The following NTAQ1 variants were observed in gnomAD, a reference collection of about 807,000 sequenced individuals.
NTAQ1 encodes protein N-terminal glutamine amidohydrolase.
In NTAQ1, 21 loss-of-function variants were observed where a neutral mutation model predicts 28.2. That is an observed-to-expected ratio of 0.74 (90% confidence interval 0.53 to 1.07). The LOEUF is 1.07. Ranked by LOEUF, NTAQ1 falls within the 50% of genes least tolerant of loss-of-function variation. The pLI is 0.00. For synonymous variants in NTAQ1, 105 were observed against 90.0 expected (o/e 1.17, Z -0.94); for missense variants, 264 against 256.6 (o/e 1.03, Z -0.20).
chr8:123,424,072 G>GTTTTT lies in NTAQ1; in HGVS notation c.84-3838_84-3834dup, dbSNP rs35733686. 1.2e-3 allele frequency among the ~76,000 whole-genome samples: 99 copies of GTTTTT among 85,844 alleles called. 12 individuals are homozygous for GTTTTT. The highest frequency in any genetic ancestry group is 1.3e-3 in the Non-Finnish European group (61 of 48,216). The allele number at this position is 85,844 out of a possible 152,430, so 56.3% of individuals were successfully genotyped here. A position where few individuals can be genotyped will look rare whatever the true frequency, so the allele number is the denominator to read the frequency against. On this transcript the variant is annotated intron_variant, in intron 1 of 5. Transcript: ENST00000287387. ...TGATTTTGTGTTTTTATTTTTATGC[G>GTTTTT]TTTTTTTTTTTTTTTTTTGAGATGA...
intron 3 of NTAQ1, among the ~76,000 whole-genome samples, chr8:123,434,351 G>A (rs1426450213): frequency 2.0e-5 from 3 of 152,166 alleles, no homozygotes; most frequent in Admixed American, 2.0e-4. Flanking sequence ...ATGGGACTGG[G>A]CACAGTGGCT....
At chr8:123,439,597 C>T (rs1033171204) in intron 5 of NTAQ1, among the ~76,000 whole-genome samples, 2 of 151,986 alleles carry the variant, frequency 1.3e-5, no homozygotes, top group Non-Finnish European at 2.9e-5. Context: ...CTGCCCGCCT[C>T]GGCCTCCCAA....
chr8:123,428,712 T>A (rs1312489415), intron 2 of NTAQ1, among the ~76,000 whole-genome samples: 1 of 152,028 alleles, frequency 6.6e-6, no homozygotes, highest in African/African-American at 2.4e-5. Flanking sequence ...GTGATTTTTG[T>A]GTCTCAGGCT....
At chr8:123,466,351 A>G (rs1325990764) in intron 6 of NTAQ1, among the ~76,000 whole-genome samples, 3 of 152,232 alleles carry the variant, frequency 2.0e-5, no homozygotes, top group Non-Finnish European at 4.4e-5. Flanking sequence ...GATCCAAGCC[A>G]GTAGCTAGTG....
At chr8:123,465,218 T>C (rs6990868) in intron 6 of NTAQ1, among the ~76,000 whole-genome samples, 1,997 of 152,304 alleles carry the variant, frequency 0.013, 39 homozygotes, top group African/African-American at 0.046. Flanking sequence ...TTTTCAAAAC[T>C]AGGAAATTGA....
intron 6 of NTAQ1, among the ~76,000 whole-genome samples, chr8:123,459,950 G>A (rs1156261129): frequency 3.3e-5 from 5 of 151,868 alleles, no homozygotes; most frequent in South Asian, 2.1e-4. Context: ...ACAGGAATGC[G>A]CCACCATGCC....
downstream of NTAQ1, among the ~76,000 whole-genome samples, chr8:123,449,538 C>T (rs1435451633): frequency 6.6e-6 from 1 of 152,072 alleles, no homozygotes; most frequent in African/African-American, 2.4e-5. Flanking sequence ...TGCTGTATCA[C>T]TGCCCTGGTG....
intron 1 of NTAQ1, among the ~76,000 whole-genome samples, chr8:123,419,238 A>G (rs1214025564): frequency 6.6e-6 from 1 of 151,934 alleles, no homozygotes; most frequent in African/African-American, 2.4e-5. Flanking sequence ...AGCTGGGACT[A>G]CAGGCACCCA....
At position 123,427,944 on chromosome 8, in the gene NTAQ1, T is replaced by C; in HGVS notation, c.104T>C (p.Leu35Pro). The C allele has an allele frequency of 1.2e-6, 2 of 1,608,466 alleles. No homozygotes were observed. Among genetic ancestry groups the C allele is most frequent in the Non-Finnish European group, 1.7e-6 (2 of 1,177,564 alleles). The change falls in exon 2 of 6, where the codon CTC becomes CCC. Residue 35 changes from leucine (L) to proline (P), a missense_variant. Coordinates refer to ENST00000287387, the MANE Select transcript of NTAQ1 (RefSeq NM_018024.3). ...SCYCEENIWK[L>P]CEYIKNHDQY... ...TTCAGTGAAGAAAATATTTGGAAGC[T>C]CTGTGAATACATCAAAAACCATGAC...
chr8:123,453,687 A>G (rs745862838), intron 6 of NTAQ1, among the ~76,000 whole-genome samples: 5 of 152,072 alleles, frequency 3.3e-5, no homozygotes, highest in African/African-American at 1.2e-4. Context: ...TGGCCTCCCA[A>G]AGTGCTGGGA....
chr8:123,438,829 A>T (rs887502366), intron 5 of NTAQ1, among the ~76,000 whole-genome samples: 5 of 152,148 alleles, frequency 3.3e-5, no homozygotes, highest in African/African-American at 1.2e-4. Flanking sequence ...TTATATTGGA[A>T]TTGCTTATCA....
At chr8:123,430,740 C>T (rs562787245) in intron 3 of NTAQ1, among the ~76,000 whole-genome samples, 3 of 152,268 alleles carry the variant, frequency 2.0e-5, no homozygotes, top group Admixed American at 2.0e-4. Flanking sequence ...GAGATTGCTT[C>T]ACTGTACTCC....
chr8:123,434,003 G>C (rs1163106909), intron 3 of NTAQ1, among the ~76,000 whole-genome samples: 1 of 151,340 alleles, frequency 6.6e-6, no homozygotes, highest in Non-Finnish European at 1.5e-5. Context: ...TCTTCTTCCA[G>C]TGTGGCCCAG....
chr8:123,429,090 C>T (rs918740414), intron 2 of NTAQ1, among the ~76,000 whole-genome samples: 1 of 152,192 alleles, frequency 6.6e-6, no homozygotes, highest in Non-Finnish European at 1.5e-5. Context: ...CAGGCATCAT[C>T]TCATTTGATC....
At chr8:123,459,848 C>T (rs1815767759) in intron 6 of NTAQ1, among the ~76,000 whole-genome samples, 1 of 140,374 alleles carries the variant, frequency 7.1e-6, no homozygotes, top group Non-Finnish European at 1.5e-5. Flanking sequence ...ATTGCCCAGG[C>T]TGGAGTGCAA....
At chr8:123,456,273 T>G (rs938298096) in intron 6 of NTAQ1, among the ~76,000 whole-genome samples, 5 of 152,156 alleles carry the variant, frequency 3.3e-5, no homozygotes, top group African/African-American at 1.2e-4. Flanking sequence ...AACTTATATA[T>G]TGCAAGGATT....
chr8:123,423,888 A>T (rs546905776), intron 1 of NTAQ1, among the ~76,000 whole-genome samples: 70 of 151,012 alleles, frequency 4.6e-4, no homozygotes, highest in African/African-American at 1.6e-3. Context: ...TATTATTATT[A>T]TTTTTAATTT....
intron 3 of NTAQ1, among the ~76,000 whole-genome samples, chr8:123,430,248 A>T (rs1353826743): frequency 6.6e-6 from 1 of 152,242 alleles, no homozygotes; most frequent in Non-Finnish European, 1.5e-5. Flanking sequence ...TTATTATAGG[A>T]ATGATTTTAA....
At chr8:123,458,758 C>T (rs1586968891) in intron 6 of NTAQ1, among the ~76,000 whole-genome samples, 2 of 151,602 alleles carry the variant, frequency 1.3e-5, no homozygotes, top group South Asian at 4.2e-4. Flanking sequence ...GTAGCTGGGA[C>T]TACAGGCGCC....
Sources: gnomAD v4.1 joint callset for allele counts (sites outside exome capture counted in the v4.1 genomes callset) on GRCh38, gnomAD v4.1.1 for gene constraint, MANE v1.5 for transcripts, NCBI Gene and HGNC (gene_info 2026-07-23, HGNC 2026-07-21) for gene names.